Variants in METTL15 observed in about 807,000 individuals in gnomAD.
METTL15 encodes methyltransferase 15, mitochondrial 12S rRNA N4-cytidine, also known as 12S rRNA N(4)-cytidine methyltransferase METTL15.
In METTL15, 34 loss-of-function variants were observed where a neutral mutation model predicts 38.3. The ratio of observed to expected loss-of-function variants is 0.89; its 90% CI spans 0.68 to 1.18. METTL15 has a LOEUF of 1.18. METTL15 is among the 50% of genes most tolerant of loss of function. The pLI is 0.00. For missense variants in METTL15, 438 were observed against 498.4 expected, an observed-to-expected ratio of 0.88 and a Z score of 1.15; for synonymous variants, 162 against 170.9, an observed-to-expected ratio of 0.95 and a Z score of 0.41.
At chr11:28,235,250 G>A (rs1181276330) in intron 4 of METTL15, among the ~76,000 whole-genome samples, 1 of 152,002 alleles carries the variant, frequency 6.6e-6, no homozygotes, top group East Asian at 1.9e-4. Context: ...GATGCCTCCA[G>A]CTTTGTTCTT....
In METTL15 at chr11:28,332,107, T is replaced by C. The variant is rs1849832440; in HGVS notation, c.*1266T>C. The C allele has an allele frequency of 6.6e-6, 1 of 152,192 alleles. No individual in the cohort carries two copies. Among genetic ancestry groups the C allele is most frequent in the African/African-American group, 2.4e-5 (1 of 41,452 alleles). 9.4% of individuals were successfully genotyped at this position (152,192 alleles called of 1,614,324 possible). Reference sequence around the variant, plus strand: ...TAGATAGAATTAAATGCATGAATTTTCCTCAGACTTATTTTATCTGCCTCT... The same window carrying C: ...TAGATAGAATTAAATGCATGAATTTCCCTCAGACTTATTTTATCTGCCTCT... On this transcript the variant is annotated 3_prime_UTR_variant, in exon 7 of 7. Transcript: ENST00000407364.
chr11:28,115,763 C>G (rs1369250056), intron 3 of METTL15, among the ~76,000 whole-genome samples: 1 of 151,966 alleles, frequency 6.6e-6, no homozygotes, highest in African/African-American at 2.4e-5. Flanking sequence ...CTTGCTGTTG[C>G]AAGGGTGGCA....
At chr11:28,445,826 T>A (rs575694403) in intron 6 of METTL15, among the ~76,000 whole-genome samples, 1 of 151,866 alleles carries the variant, frequency 6.6e-6, no homozygotes, top group Admixed American at 6.6e-5. Context: ...TAATTTTTTA[T>A]ATTTTTTGTA....
chr11:28,179,851 CTT>C (rs923587298), intron 3 of METTL15, among the ~76,000 whole-genome samples: 1 of 151,732 alleles, frequency 6.6e-6, no homozygotes, highest in African/African-American at 2.4e-5. Context: ...GGTTGAATCT[CTT>C]TACATTTGTA....
intron 3 of METTL15, among the ~76,000 whole-genome samples, chr11:28,181,891 C>G (rs1228661474): frequency 6.6e-6 from 1 of 152,134 alleles, no homozygotes; most frequent in African/African-American, 2.4e-5. Context: ...AAAAGTATTC[C>G]TATTTCTCCA....
intron 3 of METTL15, among the ~76,000 whole-genome samples, chr11:28,168,711 A>G (rs1051518774): frequency 1.1e-4 from 16 of 151,590 alleles, no homozygotes; most frequent in African/African-American, 3.4e-4. Context: ...TATTACCCAT[A>G]TTCTCATGTA....
At chr11:28,348,452 C>T (rs1850014829) in intron 3 of METTL15, among the ~76,000 whole-genome samples, 1 of 152,198 alleles carries the variant, frequency 6.6e-6, no homozygotes, top group Non-Finnish European at 1.5e-5. Flanking sequence ...ATTGCAGCCT[C>T]AGCCTCCTGG....
intron 6 of METTL15, among the ~76,000 whole-genome samples, chr11:28,328,910 T>C (rs1849726034): frequency 6.6e-6 from 1 of 152,106 alleles, no homozygotes; most frequent in African/African-American, 2.4e-5. Flanking sequence ...TTCTCTGACT[T>C]GTCTTTCATT....
At chr11:28,173,336 G>T (rs549401442) in intron 3 of METTL15, among the ~76,000 whole-genome samples, 1 of 152,216 alleles carries the variant, frequency 6.6e-6, no homozygotes, top group South Asian at 2.1e-4. Flanking sequence ...AATTCCTAGA[G>T]AGCTTATTTG....
chr11:28,121,699 ATTG>A (rs1378421814), intron 3 of METTL15, among the ~76,000 whole-genome samples: 1 of 152,074 alleles, frequency 6.6e-6, no homozygotes, highest in East Asian at 1.9e-4. Context: ...CAAAATGAAT[ATTG>A]TTGCTTTATT....
chr11:28,115,845 T>C (rs1851920854), intron 3 of METTL15, among the ~76,000 whole-genome samples: 1 of 151,836 alleles, frequency 6.6e-6, no homozygotes, highest in African/African-American at 2.4e-5. Context: ...ATAAATCGTG[T>C]GTGTGTGTGT....
intron 5 of METTL15, among the ~76,000 whole-genome samples, chr11:28,371,654 C>G (rs1458631769): frequency 6.6e-6 from 1 of 151,880 alleles, no homozygotes; most frequent in Non-Finnish European, 1.5e-5. Context: ...TTTATTGTGT[C>G]TTCCTCAATT....
chr11:28,281,229 A>G (rs1856042136), intron 4 of METTL15, among the ~76,000 whole-genome samples: 1 of 152,162 alleles, frequency 6.6e-6, no homozygotes. Context: ...TTGTGTAATA[A>G]TCTATTTTTT....
chr11:28,358,401 T>C (rs961326119), intron 4 of METTL15, among the ~76,000 whole-genome samples: 1 of 152,174 alleles, frequency 6.6e-6, no homozygotes, highest in Non-Finnish European at 1.5e-5. Context: ...ATTGAATCAA[T>C]AGAAAACCAA....
At chr11:28,386,582 T>C (rs765279120) in intron 5 of METTL15, among the ~76,000 whole-genome samples, 4 of 151,880 alleles carry the variant, frequency 2.6e-5, no homozygotes, top group Non-Finnish European at 5.9e-5. Flanking sequence ...TGAGCAAATA[T>C]TGACAGAATT....
At position 28,449,868 on chromosome 11, in the gene METTL15, G is replaced by A. The variant is rs147474512; in HGVS notation, c.*424+25504G>A. 3.2e-3 allele frequency among the ~76,000 whole-genome samples: 481 copies of A among 152,242 alleles called. 2 individuals are homozygous for A. Among genetic ancestry groups the A allele is most frequent in the Middle Eastern group, 6.8e-3 (2 of 294 alleles). ...TCAGCCTTCCAGCTGTTCCTGCCAA[G>A]GCACAGGGAAGTGAATGAAAAAGTC... On this transcript the variant is annotated intron_variant and NMD_transcript_variant, in intron 6 of 7. Transcript: ENST00000532947.
chr11:28,148,801 G>A (rs1169037361), intron 3 of METTL15, among the ~76,000 whole-genome samples: 1 of 151,852 alleles, frequency 6.6e-6, no homozygotes, highest in Non-Finnish European at 1.5e-5. Flanking sequence ...CTATGCTTGT[G>A]GTGGTCAGTC....
At chr11:28,195,034 T>A (rs1851860004) in intron 3 of METTL15, among the ~76,000 whole-genome samples, 1 of 152,094 alleles carries the variant, frequency 6.6e-6, no homozygotes, top group Admixed American at 6.6e-5. Context: ...CATTTTTTTC[T>A]TCATTTTTTT....
chr11:28,504,145 C>CGA (rs1851607839), intron 6 of METTL15, among the ~76,000 whole-genome samples: 1 of 135,714 alleles, frequency 7.4e-6, no homozygotes, highest in African/African-American at 2.8e-5. Context: ...TGCAGTGAGT[C>CGA]GAGATCACTC....
Sources: gnomAD v4.1 joint callset for allele counts (sites outside exome capture counted in the v4.1 genomes callset) on GRCh38, gnomAD v4.1.1 for gene constraint, MANE v1.5 for transcripts, NCBI Gene and HGNC (gene_info 2026-07-23, HGNC 2026-07-21) for gene names.